TANC2: variants seen among roughly 807,000 people sequenced by gnomAD.
TANC2 encodes protein TANC2.
Under a neutral mutation model 210.5 loss-of-function variants are expected in TANC2, and 26 were observed. The ratio of observed to expected loss-of-function variants is 0.12; its 90% CI spans 0.09 to 0.17. The LOEUF is 0.17. Among genes scored for constraint, TANC2 ranks in the 10% least tolerant of loss-of-function variants. The pLI is 1.00. For missense variants in TANC2, 2,129 were observed against 2,608.9 expected, an observed-to-expected ratio of 0.82 and a Z score of 4.01; for synonymous variants, 931 against 967.1, an observed-to-expected ratio of 0.96 and a Z score of 0.69.
intron 9 of TANC2, among the ~76,000 whole-genome samples, chr17:63,311,577 G>A (rs2045126303): frequency 6.6e-6 from 1 of 152,052 alleles, no homozygotes; most frequent in Non-Finnish European, 1.5e-5. Context: ...AAACAGTTGG[G>A]CAGTTTCTCA....
chr17:63,120,478 A>C (rs575705451), intron 4 of TANC2, among the ~76,000 whole-genome samples: 1 of 152,228 alleles, frequency 6.6e-6, no homozygotes, highest in South Asian at 2.1e-4. Flanking sequence ...CTCAATTTCA[A>C]ACTAGTTTGA....
At chr17:63,236,481 T>G (rs954317972) in intron 7 of TANC2, among the ~76,000 whole-genome samples, 1 of 152,162 alleles carries the variant, frequency 6.6e-6, no homozygotes, top group African/African-American at 2.4e-5. Context: ...ATCTCTACTT[T>G]AGATTTTCTT....
At chr17:63,169,414 GA>G (rs1265555593) in intron 5 of TANC2, among the ~76,000 whole-genome samples, 2 of 152,140 alleles carry the variant, frequency 1.3e-5, no homozygotes, top group Middle Eastern at 3.2e-3. Context: ...CTGGTTAACA[GA>G]TGCTTCCCAG....
chr17:63,245,069 T>C (rs1005631998), intron 8 of TANC2, among the ~76,000 whole-genome samples: 1 of 152,212 alleles, frequency 6.6e-6, no homozygotes, highest in Admixed American at 6.5e-5. Context: ...TCTCCATAAA[T>C]GTTTTGTAAA....
At chr17:62,977,990 AT>A (rs2032106449) in intron 1 of TANC2, among the ~76,000 whole-genome samples, 1 of 152,192 alleles carries the variant, frequency 6.6e-6, no homozygotes, top group Non-Finnish European at 1.5e-5. Flanking sequence ...ATTTAACAAT[AT>A]ATCATGGCTA....
At chr17:63,161,437 C>T (rs892491203) in intron 5 of TANC2, among the ~76,000 whole-genome samples, 2 of 152,104 alleles carry the variant, frequency 1.3e-5, no homozygotes, top group African/African-American at 4.8e-5. Flanking sequence ...TCACTTTCTT[C>T]CCTCTGCATT....
chr17:63,282,989 TAG>T (rs1364094876), intron 9 of TANC2, among the ~76,000 whole-genome samples: 1 of 152,082 alleles, frequency 6.6e-6, no homozygotes, highest in African/African-American at 2.4e-5. Flanking sequence ...ATTTATGTCT[TAG>T]AGGACTGGCC....
chr17:63,030,592 AC>A (rs1175808780), intron 2 of TANC2, among the ~76,000 whole-genome samples: 2 of 104,764 alleles, frequency 1.9e-5, no homozygotes, highest in Non-Finnish European at 3.9e-5. Context: ...GCCACCCCCC[AC>A]CCCCCGATTC....
At chr17:63,087,814 G>A (rs1337038021) in intron 3 of TANC2, among the ~76,000 whole-genome samples, 1 of 152,134 alleles carries the variant, frequency 6.6e-6, no homozygotes, top group East Asian at 1.9e-4. Context: ...TCCCACTGAG[G>A]TTGCTGCTTG....
At chr17:63,052,260 A>G (rs888933136) in intron 2 of TANC2, among the ~76,000 whole-genome samples, 20 of 152,198 alleles carry the variant, frequency 1.3e-4, no homozygotes, top group South Asian at 2.1e-4. Flanking sequence ...TATGATAACA[A>G]TTTCACAGAT....
chr17:63,310,049 T>C (rs1448134434), intron 9 of TANC2, among the ~76,000 whole-genome samples: 5 of 152,110 alleles, frequency 3.3e-5, no homozygotes, highest in Admixed American at 2.0e-4. Flanking sequence ...TTTATACTCT[T>C]GGATTAAGAG....
intron 14 of TANC2, among the ~76,000 whole-genome samples, chr17:63,374,615 G>A (rs1229106519): frequency 1.3e-5 from 2 of 152,124 alleles, no homozygotes; most frequent in African/African-American, 4.8e-5. Flanking sequence ...TTTGAAGAAT[G>A]AGAAATTGTT....
intron 26 of TANC2, among the ~76,000 whole-genome samples, chr17:63,416,805 G>A (rs993510701): frequency 7.9e-5 from 12 of 152,196 alleles, no homozygotes; most frequent in Admixed American, 2.6e-4. Context: ...TGAGGGAAGT[G>A]GGGATGTGGA....
chr17:63,231,463 A>G (rs1039758882), intron 7 of TANC2, among the ~76,000 whole-genome samples: 4 of 152,140 alleles, frequency 2.6e-5, no homozygotes, highest in African/African-American at 4.8e-5. Flanking sequence ...GGTGGTGACA[A>G]ATTCCTGCAG....
At chr17:63,386,305 G>A (rs891566184) in intron 15 of TANC2, among the ~76,000 whole-genome samples, 2 of 152,100 alleles carry the variant, frequency 1.3e-5, no homozygotes, top group East Asian at 1.9e-4. Context: ...AGCTAATCAA[G>A]GGAATTTGAA....
chr17:63,245,842 C>CAAA (rs60766720), intron 8 of TANC2, among the ~76,000 whole-genome samples: 2 of 91,378 alleles, frequency 2.2e-5, no homozygotes, highest in East Asian at 3.3e-4. Context: ...GACTCCTTAT[C>CAAA]AAAAAAAAAA....
rs146129432 is a variant in TANC2, at chr17:63,142,183, C to G, written c.323-9087C>G. On this transcript the variant is annotated intron_variant, in intron 4 of 27. Coordinates refer to ENST00000689528, the Ensembl canonical transcript of TANC2. ...AGTTTGTAAAGGAGTGCTATTATTT[C>G]TTCTTAAGGCAGTTGTTAGGATTCA... Among the ~76,000 whole-genome samples the G allele has an allele frequency of 2.8e-3, 431 of 152,268 alleles. 1 individual carries two copies. The highest frequency in any genetic ancestry group is 9.9e-3 in the African/African-American group (412 of 41,560).
intron 15 of TANC2, chr17:63,381,356 G>A (rs1567969853): frequency 1.3e-5 from 2 of 152,176 alleles, no homozygotes; most frequent in Non-Finnish European, 2.9e-5. Flanking sequence ...ATATGGTGGT[G>A]ACGTGACTGC....
intron 2 of TANC2, among the ~76,000 whole-genome samples, chr17:63,063,575 T>TGTGTGTGTGTGTGTGTGTGTGTAG (rs142486219): frequency 1.4e-4 from 18 of 132,494 alleles, no homozygotes; most frequent in Non-Finnish European, 1.7e-4. Context: ...TGTGTGTGTG[T>TGTGTGTGTGTGTGTGTGTGTGTAG]AGATATATCT....
Sources: allele counts gnomAD v4.1 joint callset (sites outside exome capture counted in the v4.1 genomes callset), GRCh38; gene constraint gnomAD v4.1.1; transcripts MANE v1.5; gene names NCBI Gene and HGNC (gene_info 2026-07-23, HGNC 2026-07-21).